The following ST8SIA1 variants were observed in gnomAD, a reference collection of about 807,000 sequenced individuals.
The protein encoded by ST8SIA1 is alpha-N-acetylneuraminide alpha-2,8-sialyltransferase.
In ST8SIA1, 16 loss-of-function variants were observed where a neutral mutation model predicts 35.9. The ratio of observed to expected loss-of-function variants is 0.45; its 90% confidence interval spans 0.30 to 0.68. The LOEUF (loss-of-function observed/expected upper bound fraction) is 0.68. Ranked by LOEUF, ST8SIA1 falls within the 30% of genes least tolerant of loss-of-function variation. The pLI, the probability that ST8SIA1 is intolerant of heterozygous loss-of-function variation, is 0.09. For synonymous variants in ST8SIA1, 170 were observed against 169.6 expected (o/e 1.00, Z -0.02); for missense variants, 383 against 453.6 (o/e 0.84, Z 1.41).
intron 1 of ST8SIA1, among the ~76,000 whole-genome samples, chr12:22,297,125 T>C (rs1483082526): frequency 6.6e-6 from 1 of 152,054 alleles, no homozygotes; most frequent in Non-Finnish European, 1.5e-5. Flanking sequence ...CTTGTTGTAA[T>C]GACACCTAGA....
At chr12:22,309,818 AAAG>A (rs1170943177) in intron 1 of ST8SIA1, among the ~76,000 whole-genome samples, 1 of 152,212 alleles carries the variant, frequency 6.6e-6, no homozygotes, top group Non-Finnish European at 1.5e-5. Context: ...CCTACAGGAA[AAAG>A]AAGAAGAAAT....
At chr12:22,264,413 G>A (rs995962969) in intron 2 of ST8SIA1, among the ~76,000 whole-genome samples, 6 of 152,106 alleles carry the variant, frequency 3.9e-5, no homozygotes, top group South Asian at 2.1e-4. Context: ...AATTCCTAGC[G>A]AGCATGGTGC....
intron 4 of ST8SIA1, among the ~76,000 whole-genome samples, chr12:22,216,419 G>A (rs983809990): frequency 1.3e-5 from 2 of 152,100 alleles, no homozygotes; most frequent in Non-Finnish European, 2.9e-5. Flanking sequence ...GGTCATGCTC[G>A]CTGAAGCCTC....
chr12:22,211,163 G>A (rs1865171455), intron 4 of ST8SIA1, among the ~76,000 whole-genome samples: 1 of 152,160 alleles, frequency 6.6e-6, no homozygotes. Context: ...GATGCATAGG[G>A]CAATGTATGG....
At chr12:22,296,951 C>G (rs1364937604) in intron 1 of ST8SIA1, among the ~76,000 whole-genome samples, 1 of 152,150 alleles carries the variant, frequency 6.6e-6, no homozygotes, top group African/African-American at 2.4e-5. Context: ...CAGGCAGTGA[C>G]TTATAATTGA....
At chr12:22,264,805 G>A (rs1865828756) in intron 2 of ST8SIA1, among the ~76,000 whole-genome samples, 1 of 152,112 alleles carries the variant, frequency 6.6e-6, no homozygotes, top group South Asian at 2.1e-4. Context: ...TTTCCAGAAA[G>A]CTGCTAAGAT....
intron 1 of ST8SIA1, among the ~76,000 whole-genome samples, chr12:22,307,057 G>A (rs1468631376): frequency 6.6e-6 from 1 of 151,962 alleles, no homozygotes; most frequent in Non-Finnish European, 1.5e-5. Flanking sequence ...CATTTGTTCT[G>A]TATTCTTCTG....
rs78309528 is a variant in ST8SIA1 at position 22,202,785 on chromosome 12, A to C, written c.585-747T>G. On this transcript the variant is annotated intron_variant, in intron 4 of 4. Transcript: ENST00000396037. ...CTGGAAAGAGGGAGTGTGGTCCAAG[A>C]AAGCTACAGAGTGGGAATAACATTT... is the stretch of plus-strand genomic sequence containing the variant. Among the ~76,000 whole-genome samples, 763 of 152,334 alleles carry C rather than the reference A, an allele frequency of 5.0e-3. 11 individuals carry two copies. Among genetic ancestry groups the C allele is most frequent in the African/African-American group, 0.018 (730 of 41,576 alleles).
intron 4 of ST8SIA1, among the ~76,000 whole-genome samples, chr12:22,209,994 G>A (rs1424984678): frequency 2.6e-5 from 4 of 152,174 alleles, no homozygotes; most frequent in African/African-American, 9.6e-5. Flanking sequence ...ATCCATGAAT[G>A]TCTGCTGGAG....
chr12:22,268,439 C>G (rs1427228271), intron 2 of ST8SIA1: 1 of 152,198 alleles, frequency 6.6e-6, no homozygotes, highest in African/African-American at 2.4e-5. Context: ...ATGTATTAGT[C>G]TGTTTTCACA....
At chr12:22,289,813 A>C (rs1364790138) in intron 1 of ST8SIA1, among the ~76,000 whole-genome samples, 12 of 152,210 alleles carry the variant, frequency 7.9e-5, no homozygotes, top group Admixed American at 7.9e-4. Context: ...GTACCTGGCA[A>C]CTTGCAAATC....
At chr12:22,321,913 T>C (rs554401850) in intron 1 of ST8SIA1, among the ~76,000 whole-genome samples, 1 of 152,336 alleles carries the variant, frequency 6.6e-6, no homozygotes, top group East Asian at 1.9e-4. Flanking sequence ...AGCAATCCCC[T>C]TCCAAGCCAG....
intron 4 of ST8SIA1, chr12:22,223,448 C>G: frequency 1.1e-6 from 1 of 921,408 alleles, no homozygotes; most frequent in Non-Finnish European, 1.3e-6. Context: ...AAGCTAAGAA[C>G]TGCCTTTCTC....
chr12:22,304,089 G>T (rs1003309598), intron 1 of ST8SIA1, among the ~76,000 whole-genome samples: 3 of 152,086 alleles, frequency 2.0e-5, no homozygotes, highest in Admixed American at 2.0e-4. Flanking sequence ...AATAGCCTGG[G>T]TTTGTTTCCT....
Position 22,334,080 on chromosome 12 carries a change from C to T in ST8SIA1, c.153G>A (p.Leu51=), listed in dbSNP as rs536430667. The T allele has an allele frequency of 6.2e-7, 1 of 1,614,116 alleles. No homozygotes were observed. The highest frequency in any genetic ancestry group is 1.7e-5 in the Admixed American group (1 of 60,022). The stretch of plus-strand genomic sequence containing the variant: ...CCTGCACGATCTCTTTCTCGTTGGG[C>T]AGCCGGTAGACGGGGAAGATGTAGA... ...CWLYIFPVYR[L]PNEKEIVQGV... Residue 51 remains leucine, a synonymous_variant, in exon 1 of 5, where the codon CTG becomes CTA. Transcript: ENST00000396037.
intron 1 of ST8SIA1, among the ~76,000 whole-genome samples, chr12:22,292,357 T>G (rs1236406830): frequency 1.3e-5 from 2 of 152,204 alleles, no homozygotes; most frequent in Admixed American, 6.5e-5. Flanking sequence ...TTTATAGTCT[T>G]GTTTATTGTC....
At chr12:22,320,462 C>A (rs1360748588) in intron 1 of ST8SIA1, among the ~76,000 whole-genome samples, 1 of 152,178 alleles carries the variant, frequency 6.6e-6, no homozygotes, top group Non-Finnish European at 1.5e-5. Flanking sequence ...GAGGCCACAG[C>A]CTTTCCACCC....
chr12:22,241,557 C>T (rs1865540947), intron 4 of ST8SIA1, among the ~76,000 whole-genome samples: 1 of 150,986 alleles, frequency 6.6e-6, no homozygotes. Flanking sequence ...AACCAGGAGC[C>T]AATTAAACCT....
intron 2 of ST8SIA1, among the ~76,000 whole-genome samples, chr12:22,282,062 A>G (rs1866044088): frequency 6.6e-6 from 1 of 152,218 alleles, no homozygotes; most frequent in Non-Finnish European, 1.5e-5. Flanking sequence ...TCCATTTCTT[A>G]TAAAGGTATT....
Sources: allele counts gnomAD v4.1 joint callset (sites outside exome capture counted in the v4.1 genomes callset), GRCh38; gene constraint gnomAD v4.1.1; transcripts MANE v1.5; gene names NCBI Gene and HGNC (gene_info 2026-07-23, HGNC 2026-07-21).